Variants in JADE1 observed in about 807,000 individuals in gnomAD.
JADE1 encodes the protein jade family PHD finger 1.
Under a neutral mutation model 81.8 loss-of-function variants are expected in JADE1, and 14 were observed. The observed-to-expected ratio is 0.17, with a 90% CI of 0.11 to 0.27. The LOEUF (loss-of-function observed/expected upper bound fraction) is 0.27. Among genes scored for constraint, JADE1 ranks in the 10% least tolerant of loss-of-function variants. JADE1 has a pLI of 1.00. For synonymous variants in JADE1, 353 were observed against 391.9 expected (o/e 0.90, Z 1.17); for missense variants, 690 against 1,047.9 (o/e 0.66, Z 4.71).
In JADE1 at chr4:128,861,716, A is replaced by G; in HGVS notation, c.994A>G (p.Asn332Asp). The G allele has an allele frequency of 6.2e-7, 1 of 1,614,124 alleles. No homozygotes were observed. The highest frequency in any genetic ancestry group is 8.5e-7 in the Non-Finnish European group (1 of 1,179,990). The change falls in exon 9 of 11, where the codon AAC (asparagine) becomes GAC (aspartate). Residue 332 changes from asparagine (N) to aspartate (D), a missense_variant. Physicochemically the swap from Asn to Asp is conservative, Grantham distance 23 (BLOSUM62 1). Around this residue, in one of 8 missense-constraint regions of JADE1, gnomAD observed 84 missense variants for 226.6 expected, o/e 0.37. Transcript: ENST00000226319. ...GTGTTCTTGACAGTGCTCTGTGAAG[A>G]ACTGCCGCACAGCCTTCCATGTGAC... ...FGASIQCSVKNCRTAFHVTCA... is the reference protein window; with the variant it reads ...FGASIQCSVKDCRTAFHVTCA...
chr4:128,852,381 C>T (rs990525433), intron 6 of JADE1, 113 bp downstream of exon 6: 4 of 800,758 alleles, frequency 5.0e-6, no homozygotes, highest in Middle Eastern at 3.8e-4. Flanking sequence ...TGTGTTTCTA[C>T]GATTTAAAGA....
At position 128,861,908 on chromosome 4, in the gene JADE1, C is replaced by A; in HGVS notation, c.1186C>A (p.Pro396Thr). ...NGAPECSPRNPLEPFASLEQN... is the reference protein window; with the variant it reads ...NGAPECSPRNTLEPFASLEQN... ...GGCCCCTGAGTGTTCCCCCCGGAAT[C>A]CGCTGGAGCCCTTTGCCAGCCTTGA... Residue 396 changes from proline to threonine, a missense_variant, in exon 9 of 11, where the codon CCG becomes ACG. Pro to Thr is a conservative substitution (Grantham distance 38). Transcript: ENST00000226319. 6.2e-7 allele frequency: 1 copy of A among 1,614,084 alleles called. No homozygotes were observed. The highest frequency in any genetic ancestry group is 8.5e-7 in the Non-Finnish European group (1 of 1,179,946).
chr4:128,866,768 G>A (rs938834452), intron 9 of JADE1, among the ~76,000 whole-genome samples: 3 of 152,192 alleles, frequency 2.0e-5, no homozygotes, highest in Non-Finnish European at 4.4e-5. Context: ...GAAAGATGTG[G>A]TCAGATAAAG....
In JADE1 at chr4:128,871,138, A is replaced by G. The variant is rs1732161052; in HGVS notation, c.1622-217A>G. On this transcript the variant is annotated intron_variant, in intron 10 of 10. Coordinates refer to ENST00000226319, the MANE Select transcript of JADE1 (RefSeq NM_199320.4). The surrounding 1 kb of genome is among the most constrained non-coding windows in gnomAD (Gnocchi z 4.1). ...ATTATGTGAGCTTCAGCTGTTTTAGAAAATGTGGCATATTGAGTCTGCAGA... is the reference window on the plus strand; with the variant it reads ...ATTATGTGAGCTTCAGCTGTTTTAGGAAATGTGGCATATTGAGTCTGCAGA... Among the ~76,000 whole-genome samples the G allele has an allele frequency of 6.6e-6, 1 of 152,214 alleles. No homozygotes were observed. Among genetic ancestry groups the G allele is most frequent in the African/African-American group, 2.4e-5 (1 of 41,454 alleles).
At chr4:128,832,390 A>C (rs1478543378) in intron 2 of JADE1, among the ~76,000 whole-genome samples, 1 of 152,230 alleles carries the variant, frequency 6.6e-6, no homozygotes, top group East Asian at 1.9e-4. Flanking sequence ...AATAAATATC[A>C]CACAGTGTCT....
rs111966249 is a variant in JADE1, at chr4:128,855,618, G to A, written c.697-12G>A. ...TCTCTCTATTCCTCTGGGATGTGCCGTGGCATCACAGGCCTGTTATGGAAT... is the reference window on the plus strand; with the variant it reads ...TCTCTCTATTCCTCTGGGATGTGCCATGGCATCACAGGCCTGTTATGGAAT... On this transcript the variant is annotated splice_polypyrimidine_tract_variant and intron_variant, in intron 6 of 10. Transcript: ENST00000226319. 6 of 1,600,068 alleles carry A rather than the reference G, an allele frequency of 3.7e-6. No individual in the cohort carries two copies. The highest frequency in any genetic ancestry group is 1.7e-4 in the Middle Eastern group (1 of 5,980).
At chr4:128,818,206 T>C (rs930423420) in intron 1 of JADE1, among the ~76,000 whole-genome samples, 1 of 151,952 alleles carries the variant, frequency 6.6e-6, no homozygotes, top group Admixed American at 6.6e-5. Flanking sequence ...CTGCAACGTC[T>C]GTCTCCTGGG....
intron 9 of JADE1, chr4:128,863,496 G>C (rs1051550980): frequency 2.6e-5 from 26 of 985,450 alleles, no homozygotes; most frequent in Non-Finnish European, 3.1e-5. Flanking sequence ...GCGTAGAAGT[G>C]AAAGTCTTAA....
intron 8 of JADE1, among the ~76,000 whole-genome samples, chr4:128,859,591 A>G (rs1039671391): frequency 1.3e-5 from 2 of 152,070 alleles, no homozygotes; most frequent in Non-Finnish European, 2.9e-5. Context: ...GTGAGTGTGC[A>G]TGTGTATGAG....
intron 1 of JADE1, among the ~76,000 whole-genome samples, chr4:128,813,869 G>A (rs934110977): frequency 6.6e-6 from 1 of 151,988 alleles, no homozygotes; most frequent in African/African-American, 2.4e-5. Flanking sequence ...TAAGTGTTAG[G>A]TTTCCTGCTA....
chr4:128,859,122 A>G (rs990349930), intron 8 of JADE1, among the ~76,000 whole-genome samples: 4 of 152,040 alleles, frequency 2.6e-5, no homozygotes, highest in African/African-American at 9.7e-5. Flanking sequence ...GGGAAGGAGG[A>G]GGAAAGAGTG....
Position 128,813,194 on chromosome 4 carries a change from CAGGTGGAGAA to C in JADE1, c.-27+3331_-27+3340del, listed in dbSNP as rs61491716. On this transcript the variant is annotated intron_variant, in intron 1 of 10. Coordinates refer to ENST00000226319, the MANE Select transcript of JADE1 (RefSeq NM_199320.4). ...ATCACAACTGATCAAGATTTAATCACAGGTGGAGAAAGGTGGAGAAAGGAAGCATTCAATA... is the reference window on the plus strand; with the variant it reads ...ATCACAACTGATCAAGATTTAATCACAGGTGGAGAAAGGAAGCATTCAATA... Among the ~76,000 whole-genome samples, 1,025 of 152,236 alleles carry C rather than the reference CAGGTGGAGAA, an allele frequency of 6.7e-3. 16 individuals are homozygous for C. The highest frequency in any genetic ancestry group is 0.023 in the African/African-American group (954 of 41,526).
intron 1 of JADE1, among the ~76,000 whole-genome samples, chr4:128,829,968 C>A (rs1393122968): frequency 2.6e-5 from 4 of 151,628 alleles, no homozygotes; most frequent in Admixed American, 6.6e-5. Flanking sequence ...ACCTCCGCCT[C>A]CCGGGTTTAA....
At chr4:128,811,880 G>GGGAGCGGGAGCC (rs1726436931) in intron 1 of JADE1, 1 of 151,708 alleles carries the variant, frequency 6.6e-6, no homozygotes, top group African/African-American at 2.4e-5. Context: ...GGGCGGGAGC[G>GGGAGCGGGAGCC]GGAGCGGGAG....
At chr4:128,834,803 G>T (rs915411477) in intron 2 of JADE1, among the ~76,000 whole-genome samples, 6 of 151,784 alleles carry the variant, frequency 4.0e-5, no homozygotes, top group African/African-American at 1.5e-4. Context: ...CCAAAGTGCT[G>T]GGATTACAGG....
At chr4:128,810,786 G>A (rs1364585586) in intron 1 of JADE1, among the ~76,000 whole-genome samples, 1 of 151,944 alleles carries the variant, frequency 6.6e-6, no homozygotes, top group Non-Finnish European at 1.5e-5. Flanking sequence ...CTTCCGAACT[G>A]GGCTTCCAGT....
chr4:128,868,801 C>A (rs1731974263), intron 10 of JADE1, among the ~76,000 whole-genome samples: 1 of 152,082 alleles, frequency 6.6e-6, no homozygotes, highest in Non-Finnish European at 1.5e-5. Flanking sequence ...GTGGATCAGG[C>A]AGAATTAGGG....
intron 1 of JADE1, among the ~76,000 whole-genome samples, chr4:128,830,391 G>A (rs1264415815): frequency 6.6e-6 from 1 of 151,760 alleles, no homozygotes; most frequent in Non-Finnish European, 1.5e-5. Context: ...CTGCCACCAC[G>A]CCCGGCTAAT....
rs143122337 is a variant in JADE1, at chr4:128,822,387, T to C, written c.-26-9346T>C. Among the ~76,000 whole-genome samples the C allele has an allele frequency of 7.3e-3, 1,113 of 152,142 alleles. 9 individuals are homozygous for C. The highest frequency in any genetic ancestry group is 0.026 in the African/African-American group (1,067 of 41,494). On this transcript the variant is annotated intron_variant, in intron 1 of 10. Transcript: ENST00000226319. The stretch of plus-strand genomic sequence containing the variant: ...GTCTCTCAAAAAAAAGTATCTTTAC[T>C]ATTATAAGTGTAGTACACAATCATC...
Sources: gnomAD v4.1 joint callset for allele counts (sites outside exome capture counted in the v4.1 genomes callset) on GRCh38, gnomAD v4.1.1 for gene constraint, gnomAD v4.1.1 regional missense constraint, Gnocchi (gnomAD v3.1) non-coding constraint, MANE v1.5 for transcripts, NCBI Gene and HGNC (gene_info 2026-07-23, HGNC 2026-07-21) for gene names.